ACTL8: variants seen among roughly 807,000 people sequenced by gnomAD.
The protein encoded by ACTL8 is actin like 8.
A neutral mutation model predicts 9.3 loss-of-function variants in ACTL8; 3 were observed. The observed-to-expected ratio is 0.32, with a 90% CI of 0.15 to 0.83. The LOEUF (loss-of-function observed/expected upper bound fraction) is 0.83. Among genes scored for constraint, ACTL8 ranks in the 40% least tolerant of loss-of-function variants. ACTL8 has a pLI of 0.57. For missense variants in ACTL8, 381 were observed against 492.2 expected (o/e 0.77, Z 2.14); for synonymous variants, 224 against 205.9 (o/e 1.09, Z -0.75).
At position 17,760,923 on chromosome 1, in the gene ACTL8, G is replaced by A. The variant is rs115987496; in HGVS notation, c.-25+5419G>A. Among the ~76,000 whole-genome samples, 1,222 of 152,306 alleles carry A rather than the reference G, an allele frequency of 8.0e-3. 18 individuals carry two copies. The highest frequency in any genetic ancestry group is 0.022 in the African/African-American group (934 of 41,566). The stretch of plus-strand genomic sequence containing the variant: ...ACTGGCTATAAAACCGATCTGAGGA[G>A]AAAGATGGATCCGAGGGGGTAAGTG... On this transcript the variant is annotated intron_variant, in intron 1 of 2. Coordinates refer to ENST00000375406, the MANE Select transcript of ACTL8 (RefSeq NM_030812.3).
intron 1 of ACTL8, among the ~76,000 whole-genome samples, chr1:17,806,427 C>A (rs1238583232): frequency 6.6e-6 from 1 of 152,236 alleles, no homozygotes; most frequent in African/African-American, 2.4e-5. Context: ...CTCAGTACAG[C>A]CCTCCCTGAA....
chr1:17,818,330 A>G (rs928752331), intron 1 of ACTL8, among the ~76,000 whole-genome samples: 1 of 152,104 alleles, frequency 6.6e-6, no homozygotes, highest in African/African-American at 2.4e-5. Flanking sequence ...CAGGCTACCC[A>G]CACCTTTCAC....
At chr1:17,783,134 T>C (rs1231242391) in intron 1 of ACTL8, among the ~76,000 whole-genome samples, 1 of 152,152 alleles carries the variant, frequency 6.6e-6, no homozygotes, top group Non-Finnish European at 1.5e-5. Context: ...AACTAGTAAG[T>C]AGCCCAACAA....
At chr1:17,818,039 A>G (rs372113525) in intron 1 of ACTL8, among the ~76,000 whole-genome samples, 22 of 152,184 alleles carry the variant, frequency 1.4e-4, no homozygotes, top group African/African-American at 5.3e-4. Flanking sequence ...GGAACTCCCA[A>G]TTACACCACT....
rs566263768 is a variant in ACTL8, at chr1:17,780,415, C to T, written c.-25+24911C>T. 2.6e-5 allele frequency among the ~76,000 whole-genome samples: 4 copies of T among 152,216 alleles called. No homozygotes were observed. The South Asian group carries it at 6.2e-4, about 24-fold the overall frequency. ...ATCCTAGTTCTCCCACAGTCCAGGC[C>T]ATATTCTTCCTTCCTTGTTCTGCTC... On this transcript the variant is annotated intron_variant, in intron 1 of 2. Coordinates refer to ENST00000375406, the MANE Select transcript of ACTL8 (RefSeq NM_030812.3).
chr1:17,769,248 T>C (rs1328580674), intron 1 of ACTL8, among the ~76,000 whole-genome samples: 2 of 152,110 alleles, frequency 1.3e-5, no homozygotes, highest in African/African-American at 4.8e-5. Flanking sequence ...CTAGAGCACA[T>C]TGGGCATGGC....
At chr1:17,812,427 C>CTTTTTTTTTTTTTTTTTTTTTT in intron 1 of ACTL8, among the ~76,000 whole-genome samples, 1 of 122,412 alleles carries the variant, frequency 8.2e-6, no homozygotes, top group African/African-American at 3.0e-5. Flanking sequence ...ATTTTTTTTC[C>CTTTTTTTTTTTTTTTTTTTTTT]TTTTTTTTTT....
At chr1:17,798,408 G>A (rs773949924) in intron 1 of ACTL8, among the ~76,000 whole-genome samples, 19 of 152,146 alleles carry the variant, frequency 1.2e-4, no homozygotes, top group Admixed American at 3.3e-4. Flanking sequence ...ACCCAGACGG[G>A]AGTAAGAGTA....
Position 17,767,517 on chromosome 1 carries a change from G to A in ACTL8, c.-25+12013G>A, listed in dbSNP as rs1265003681. 6.6e-6 allele frequency among the ~76,000 whole-genome samples: 1 copy of A among 152,178 alleles called. No individual in the cohort carries two copies. Among genetic ancestry groups the A allele is most frequent in the Non-Finnish European group, 1.5e-5 (1 of 68,020 alleles). On this transcript the variant is annotated intron_variant, in intron 1 of 2. Coordinates refer to ENST00000375406, the MANE Select transcript of ACTL8 (RefSeq NM_030812.3). This position sits in a 1 kb window ranked among gnomAD's most constrained non-coding sequence, Gnocchi z 4.7. The stretch of plus-strand genomic sequence containing the variant: ...CTAAGACCTTCCCTGCTCTCCTGGG[G>A]GTTGAGTTTGGCCTTGTCTAAGCCC...
intron 1 of ACTL8, among the ~76,000 whole-genome samples, chr1:17,780,057 A>G (rs901485600): frequency 2.0e-5 from 3 of 152,110 alleles, no homozygotes; most frequent in South Asian, 2.1e-4. Flanking sequence ...AAATAACCAA[A>G]TTAACTGGTT....
chr1:17,760,418 G>A lies in ACTL8; in HGVS notation c.-25+4914G>A, dbSNP rs565480992. On this transcript the variant is annotated intron_variant, in intron 1 of 2. Coordinates refer to ENST00000375406, the MANE Select transcript of ACTL8 (RefSeq NM_030812.3). Reference sequence around the variant, plus strand: ...ACTGTGAAATGGGTTTTTCACAGGCGTGCATAGGATCGTTGGCAGGACTGA... The same window carrying A: ...ACTGTGAAATGGGTTTTTCACAGGCATGCATAGGATCGTTGGCAGGACTGA... Among the ~76,000 whole-genome samples, 6 of 152,300 alleles carry A rather than the reference G, an allele frequency of 3.9e-5. No individual in the cohort carries two copies. In the East Asian group the frequency reaches 1.2e-3, roughly 29 times the overall value.
chr1:17,789,481 C>G (rs923979686), intron 1 of ACTL8, among the ~76,000 whole-genome samples: 13 of 152,148 alleles, frequency 8.5e-5, no homozygotes, highest in Admixed American at 7.8e-4. Context: ...TATTTCCCCA[C>G]TAGACTGTAA....
intron 1 of ACTL8, among the ~76,000 whole-genome samples, chr1:17,760,948 G>C (rs1167044479): frequency 3.9e-5 from 6 of 152,142 alleles, no homozygotes; most frequent in African/African-American, 1.4e-4. Flanking sequence ...GGGGGTAAGT[G>C]CCTCTAATTA....
chr1:17,790,305 C>A (rs1393420066), intron 1 of ACTL8, among the ~76,000 whole-genome samples: 2 of 152,328 alleles, frequency 1.3e-5, no homozygotes, highest in East Asian at 1.9e-4. Context: ...TCTTCACCTG[C>A]AATGTGGTGA....
chr1:17,760,272 C>T (rs925151208), intron 1 of ACTL8, among the ~76,000 whole-genome samples: 3 of 152,092 alleles, frequency 2.0e-5, no homozygotes, highest in Non-Finnish European at 4.4e-5. Context: ...CTGATGGATT[C>T]GATGTGGGTC....
intron 1 of ACTL8, among the ~76,000 whole-genome samples, chr1:17,794,223 T>A (rs4920639): frequency 0.21 from 32,484 of 151,928 alleles, 4,253 homozygotes; most frequent in Admixed American, 0.38. Context: ...GGCTGACCTT[T>A]TAGCCCGTGG....
chr1:17,770,047 T>G (rs968077487), intron 1 of ACTL8, among the ~76,000 whole-genome samples: 2 of 152,210 alleles, frequency 1.3e-5, no homozygotes, highest in Non-Finnish European at 2.9e-5. Context: ...TCTAGATATG[T>G]TGATTTGTAT....
intron 1 of ACTL8, among the ~76,000 whole-genome samples, chr1:17,813,978 A>G (rs565584399): frequency 6.6e-6 from 1 of 152,184 alleles, no homozygotes; most frequent in Admixed American, 6.5e-5. Flanking sequence ...TCCTGATCGC[A>G]GTCTTTTGTG....
intron 2 of ACTL8, 44 bp from the exon 3 acceptor site, chr1:17,825,723 C>T (rs370044544): frequency 1.0e-4 from 160 of 1,580,898 alleles, no homozygotes; most frequent in Non-Finnish European, 1.2e-4. Flanking sequence ...GACTGCTGAG[C>T]AGGCTGGGGG....
Sources: allele counts gnomAD v4.1 joint callset (sites outside exome capture counted in the v4.1 genomes callset), GRCh38; gene constraint gnomAD v4.1.1; non-coding constraint Gnocchi (gnomAD v3.1); transcripts MANE v1.5; gene names NCBI Gene and HGNC (gene_info 2026-07-23, HGNC 2026-07-21).